The following NUDT3 variants were observed in gnomAD, a reference collection of about 807,000 sequenced individuals.
NUDT3 encodes nudix hydrolase 3.
Under a neutral mutation model 23.6 loss-of-function variants are expected in NUDT3, and 9 were observed. That is an observed-to-expected ratio of 0.38 (90% confidence interval 0.23 to 0.66). The LOEUF is 0.66. Among genes scored for constraint, NUDT3 ranks in the 30% least tolerant of loss-of-function variants. NUDT3 has a pLI of 0.52. For missense variants in NUDT3, 172 were observed against 218.5 expected (o/e 0.79, Z 1.34); for synonymous variants, 86 against 82.6 (o/e 1.04, Z -0.22).
intron 2 of NUDT3, among the ~76,000 whole-genome samples, chr6:34,324,138 T>C (rs2113720130): frequency 6.6e-6 from 1 of 152,230 alleles, no homozygotes. Context: ...ACAGATCACC[T>C]GAGGTCAGGA....
chr6:34,294,819 G>T (rs184457937), intron 3 of NUDT3, among the ~76,000 whole-genome samples: 2 of 151,800 alleles, frequency 1.3e-5, no homozygotes, highest in Admixed American at 6.6e-5. Flanking sequence ...TAGAGATAGA[G>T]TCTCACTCTG....
intron 1 of NUDT3, among the ~76,000 whole-genome samples, chr6:34,384,631 T>G (rs1765075293): frequency 6.6e-6 from 1 of 152,200 alleles, no homozygotes; most frequent in Non-Finnish European, 1.5e-5. Flanking sequence ...ATATGACAGA[T>G]GAATATCATA....
chr6:34,335,112 T>G (rs751263395), intron 2 of NUDT3, among the ~76,000 whole-genome samples: 1 of 152,026 alleles, frequency 6.6e-6, no homozygotes, highest in Admixed American at 6.5e-5. Context: ...CAGACTGCAA[T>G]GGAAACATAC....
intron 2 of NUDT3, among the ~76,000 whole-genome samples, chr6:34,322,324 G>A (rs1018151551): frequency 6.6e-6 from 1 of 151,160 alleles, no homozygotes; most frequent in African/African-American, 2.4e-5. Flanking sequence ...TCCGCCTCCC[G>A]GGTTCACGCC....
chr6:34,355,682 G>C (rs892665125), intron 1 of NUDT3, among the ~76,000 whole-genome samples: 2 of 107,028 alleles, frequency 1.9e-5, no homozygotes, highest in African/African-American at 7.4e-5. Flanking sequence ...CCCTACAGCT[G>C]TTTTTTTGGG....
At chr6:34,362,755 C>T (rs1442713449) in intron 1 of NUDT3, among the ~76,000 whole-genome samples, 1 of 152,038 alleles carries the variant, frequency 6.6e-6, no homozygotes, top group African/African-American at 2.4e-5. Flanking sequence ...TGCGCCTGGC[C>T]CCAAGTTCTA....
intron 2 of NUDT3, among the ~76,000 whole-genome samples, chr6:34,311,667 A>G (rs1000779519): frequency 1.3e-5 from 2 of 152,260 alleles, no homozygotes. Context: ...CCCAACTTCA[A>G]GACTTACTAT....
At position 34,392,450 on chromosome 6, in the gene NUDT3, C is replaced by T; in HGVS notation, c.-88G>A. 1.1e-6 allele frequency: 1 copy of T among 948,632 alleles called. No individual in the cohort carries two copies. Among genetic ancestry groups the T allele is most frequent in the South Asian group, 1.4e-5 (1 of 69,008 alleles). 58.8% of individuals were successfully genotyped at this position (948,632 alleles called of 1,614,324 possible). A position where few individuals can be genotyped will look rare whatever the true frequency, so the allele number is the denominator to read the frequency against. ...TGGACGGCCGCGTGCGCGCGCGCCC[C>T]CGGCTCGGCCAAGGGAAGCAGGGAG... On this transcript the variant is annotated 5_prime_UTR_variant, in exon 1 of 5. Coordinates refer to ENST00000607016, the MANE Select transcript of NUDT3 (RefSeq NM_006703.4).
At chr6:34,385,638 C>G (rs1329178476) in intron 1 of NUDT3, among the ~76,000 whole-genome samples, 2 of 151,626 alleles carry the variant, frequency 1.3e-5, no homozygotes, top group Non-Finnish European at 2.9e-5. Context: ...TTAAGATCCC[C>G]TCTCCAGTCT....
chr6:34,355,942 T>A (rs1194816392), intron 1 of NUDT3, among the ~76,000 whole-genome samples: 5 of 152,178 alleles, frequency 3.3e-5, no homozygotes, highest in African/African-American at 1.2e-4. Flanking sequence ...CATCTCTTCA[T>A]CTGTATCCTT....
intron 2 of NUDT3, among the ~76,000 whole-genome samples, chr6:34,317,388 C>T (rs559260453): frequency 7.9e-5 from 12 of 151,340 alleles, no homozygotes; most frequent in African/African-American, 2.7e-4. Context: ...GGAGAGATCA[C>T]CAAGGAATAA....
intron 1 of NUDT3, among the ~76,000 whole-genome samples, chr6:34,387,400 G>C (rs1765123649): frequency 6.6e-6 from 1 of 152,076 alleles, no homozygotes; most frequent in Non-Finnish European, 1.5e-5. Context: ...TGTAGGCCTA[G>C]GTTAATGTGT....
At chr6:34,366,655 T>G (rs1344244494) in intron 1 of NUDT3, among the ~76,000 whole-genome samples, 3 of 151,980 alleles carry the variant, frequency 2.0e-5, no homozygotes, top group East Asian at 3.9e-4. Flanking sequence ...CCTCCTGTGC[T>G]AAAGCAATCC....
chr6:34,328,050 G>A (rs532998356), intron 2 of NUDT3, among the ~76,000 whole-genome samples: 83 of 152,274 alleles, frequency 5.5e-4, no homozygotes, highest in African/African-American at 1.8e-3. Context: ...TAATGTCCAT[G>A]ATCATCTCTA....
chr6:34,340,501 T>C (rs1157831665), intron 2 of NUDT3, among the ~76,000 whole-genome samples: 2 of 152,224 alleles, frequency 1.3e-5, no homozygotes, highest in Admixed American at 6.5e-5. Context: ...CACGCAGCTA[T>C]TAACTGACAG....
intron 2 of NUDT3, among the ~76,000 whole-genome samples, chr6:34,317,469 G>C (rs960123615): frequency 6.6e-6 from 1 of 152,062 alleles, no homozygotes; most frequent in African/African-American, 2.4e-5. Context: ...AAGAGGTGGA[G>C]AGAGAGGGAA....
intron 1 of NUDT3, among the ~76,000 whole-genome samples, chr6:34,347,127 A>G (rs1764384224): frequency 6.6e-6 from 1 of 152,154 alleles, no homozygotes; most frequent in Non-Finnish European, 1.5e-5. Context: ...AAAGTACTAA[A>G]TGGTGTTCTG....
At chr6:34,392,164 C>T in intron 1 of NUDT3, 100 bp downstream of exon 1, 1 of 801,306 alleles carries the variant, frequency 1.2e-6, no homozygotes, top group Admixed American at 3.0e-5. Context: ...CCGAGCGGGG[C>T]GGCCCTGGCA....
At chr6:34,289,268 G>A (rs1436278625) in intron 4 of NUDT3, among the ~76,000 whole-genome samples, 1 of 152,096 alleles carries the variant, frequency 6.6e-6, no homozygotes, top group Admixed American at 6.6e-5. Flanking sequence ...CCCATCTCCT[G>A]TAAAAACTGA....
Sources: allele counts gnomAD v4.1 joint callset (sites outside exome capture counted in the v4.1 genomes callset), GRCh38; gene constraint gnomAD v4.1.1; transcripts MANE v1.5; gene names NCBI Gene and HGNC (gene_info 2026-07-23, HGNC 2026-07-21).